The following KIF6 variants were observed in gnomAD, a reference collection of about 807,000 sequenced individuals.
KIF6 encodes the protein kinesin family member 6.
A neutral mutation model predicts 112.7 loss-of-function variants in KIF6; 106 were observed. The observed-to-expected ratio is 0.94, with a 90% CI of 0.80 to 1.11. The LOEUF is 1.11. KIF6 is among the 50% of genes least tolerant of loss of function. The pLI, the probability that KIF6 is intolerant of heterozygous loss-of-function variation, is 0.00. For synonymous variants in KIF6, 339 were observed against 339.9 expected, an observed-to-expected ratio of 1.00 and a Z score of 0.03; for missense variants, 929 against 964.0, an observed-to-expected ratio of 0.96 and a Z score of 0.48.
chr6:39,649,774 A>G (rs6907928), intron 3 of KIF6, among the ~76,000 whole-genome samples: 33,673 of 97,912 alleles, frequency 0.34, 4,975 homozygotes, highest in Admixed American at 0.37. Context: ...AGAAAGAAAG[A>G]AAAGAAACTA....
At chr6:39,481,725 T>C (rs572830959) in intron 13 of KIF6, among the ~76,000 whole-genome samples, 1 of 152,308 alleles carries the variant, frequency 6.6e-6, no homozygotes, top group South Asian at 2.1e-4. Context: ...AAGCATCATT[T>C]GCTTCTATCA....
chr6:39,603,254 G>A (rs529431733), intron 6 of KIF6, among the ~76,000 whole-genome samples: 2 of 152,198 alleles, frequency 1.3e-5, no homozygotes, highest in East Asian at 1.9e-4. Flanking sequence ...TATAGAAGGG[G>A]CTTGGAGCAG....
intron 3 of KIF6, among the ~76,000 whole-genome samples, chr6:39,645,604 G>T (rs1446981776): frequency 6.6e-6 from 1 of 152,060 alleles, no homozygotes; most frequent in Non-Finnish European, 1.5e-5. Context: ...CAGGGATATT[G>T]GTCTAAAATT....
Position 39,542,775 on chromosome 6 carries a change from T to C in KIF6, c.1426+1780A>G, listed in dbSNP as rs901211449. 2.0e-5 allele frequency among the ~76,000 whole-genome samples: 3 copies of C among 152,218 alleles called. No homozygotes were observed. The East Asian group carries it at 5.8e-4, about 29-fold the overall frequency. On this transcript the variant is annotated intron_variant, in intron 12 of 22. Coordinates refer to ENST00000287152, the MANE Select transcript of KIF6 (RefSeq NM_145027.6). ...AGTGCTCAAAGCACTTATGGGCTTT[T>C]CTCAGCAGGTCTTATGGTCCTGCTC...
intron 5 of KIF6, among the ~76,000 whole-genome samples, chr6:39,617,981 T>A (rs939119814): frequency 6.6e-6 from 1 of 152,218 alleles, no homozygotes; most frequent in Non-Finnish European, 1.5e-5. Flanking sequence ...ATGGTGAAGG[T>A]TTAGGGAAAA....
intron 5 of KIF6, among the ~76,000 whole-genome samples, chr6:39,623,367 T>G (rs1783927719): frequency 6.6e-6 from 1 of 152,190 alleles, no homozygotes; most frequent in African/African-American, 2.4e-5. Flanking sequence ...AACCTACTCA[T>G]TAATATGAGA....
intron 13 of KIF6, among the ~76,000 whole-genome samples, chr6:39,499,439 G>A (rs1775981369): frequency 6.6e-6 from 1 of 152,108 alleles, no homozygotes; most frequent in African/African-American, 2.4e-5. Context: ...CCCAAGCCTG[G>A]GGAGGGGAGA....
At chr6:39,507,694 T>TCCTTCCTA (rs1776517139) in intron 13 of KIF6, among the ~76,000 whole-genome samples, 1 of 125,604 alleles carries the variant, frequency 8.0e-6, no homozygotes, top group Non-Finnish European at 1.6e-5. Flanking sequence ...CTTCCTACCT[T>TCCTTCCTA]CCTTCCTTCC....
intron 14 of KIF6, 139 bp from the exon 15 acceptor site, chr6:39,420,142 A>C: frequency 1.6e-6 from 1 of 636,198 alleles, no homozygotes. Context: ...AATAAGTAAA[A>C]TATATTAGGC....
Position 39,692,631 on chromosome 6 carries a change from G to T in KIF6, c.251+22061C>A, listed in dbSNP as rs561187456. On this transcript the variant is annotated intron_variant, in intron 3 of 22. Transcript: ENST00000287152. The stretch of plus-strand genomic sequence containing the variant: ...TCCTCAATAAGCTAAAACTGTGATA[G>T]AATGATGGTTATATCATTGAGATAC... Among the ~76,000 whole-genome samples the T allele has an allele frequency of 3.3e-5, 5 of 152,306 alleles. 1 individual carries two copies. In the South Asian group the frequency reaches 1.0e-3, roughly 32 times the overall value.
chr6:39,466,330 C>G (rs1017836898), intron 13 of KIF6, among the ~76,000 whole-genome samples: 2 of 152,164 alleles, frequency 1.3e-5, no homozygotes, highest in South Asian at 4.1e-4. Context: ...GGTTTCTGAG[C>G]TTCAAGCATC....
In KIF6 at chr6:39,639,591, T is replaced by G. The variant is rs749409370; in HGVS notation, c.399+19A>C. The G allele has an allele frequency of 6.5e-7, 1 of 1,532,222 alleles. No homozygotes were observed. The highest frequency in any genetic ancestry group is 1.3e-5 in the South Asian group (1 of 76,680). 94.9% of individuals were successfully genotyped at this position (1,532,222 alleles called of 1,614,324 possible). A position where few individuals can be genotyped will look rare whatever the true frequency, so the allele number is the denominator to read the frequency against. The stretch of plus-strand genomic sequence containing the variant: ...TGAATATATCAAATACAAAATGATA[T>G]GAACGAAAAGTTTCATACCTTTTGT... On this transcript the variant is annotated intron_variant, in intron 4 of 22. Coordinates refer to ENST00000287152, the MANE Select transcript of KIF6 (RefSeq NM_145027.6).
chr6:39,550,565 C>T (rs893938860), intron 10 of KIF6, among the ~76,000 whole-genome samples: 16 of 152,156 alleles, frequency 1.1e-4, no homozygotes, highest in African/African-American at 3.4e-4. Flanking sequence ...ATGAAAAATA[C>T]CCCAGTTGGT....
At chr6:39,370,476 T>C (rs1765885010) in intron 16 of KIF6, among the ~76,000 whole-genome samples, 1 of 152,206 alleles carries the variant, frequency 6.6e-6, no homozygotes, top group African/African-American at 2.4e-5. Flanking sequence ...TACCTGCTAC[T>C]AGCCAATTTG....
At chr6:39,487,137 AAAATAG>A (rs753684101) in intron 13 of KIF6, among the ~76,000 whole-genome samples, 2 of 152,234 alleles carry the variant, frequency 1.3e-5, no homozygotes, top group Non-Finnish European at 2.9e-5. Flanking sequence ...GTAATAAATA[AAAATAG>A]AAAATTAGAT....
At chr6:39,467,147 C>A (rs1335008579) in intron 13 of KIF6, among the ~76,000 whole-genome samples, 3 of 152,172 alleles carry the variant, frequency 2.0e-5, no homozygotes, top group Non-Finnish European at 4.4e-5. Flanking sequence ...CTGTAGAAAA[C>A]AATGGAGATT....
chr6:39,640,337 G>A (rs1784841342), intron 3 of KIF6, among the ~76,000 whole-genome samples: 1 of 151,962 alleles, frequency 6.6e-6, no homozygotes, highest in South Asian at 2.1e-4. Flanking sequence ...TGATTTGATG[G>A]TGGTCTTAAG....
intron 6 of KIF6, among the ~76,000 whole-genome samples, chr6:39,609,206 T>C (rs988152979): frequency 6.6e-6 from 1 of 152,082 alleles, no homozygotes; most frequent in Non-Finnish European, 1.5e-5. Flanking sequence ...GAACCAACAC[T>C]GACTGGAGGA....
intron 13 of KIF6, among the ~76,000 whole-genome samples, chr6:39,524,075 C>T (rs187293228): frequency 1.3e-5 from 2 of 151,856 alleles, no homozygotes; most frequent in Admixed American, 1.3e-4. Flanking sequence ...AGAGTAAATA[C>T]ATGATTGGCG....
Sources: allele counts gnomAD v4.1 joint callset (sites outside exome capture counted in the v4.1 genomes callset), GRCh38; gene constraint gnomAD v4.1.1; transcripts MANE v1.5; gene names NCBI Gene and HGNC (gene_info 2026-07-23, HGNC 2026-07-21).